The following ZNF625 variants were observed in gnomAD, a reference collection of about 807,000 sequenced individuals.
ZNF625 encodes zinc finger protein 625.
A neutral mutation model predicts 11.1 loss-of-function variants in ZNF625; 8 were observed. That is an observed-to-expected ratio of 0.72 (90% confidence interval 0.42 to 1.30). The LOEUF (loss-of-function observed/expected upper bound fraction) is 1.30, where lower values mean the gene tolerates loss of function less well. Ranked by LOEUF, ZNF625 falls within the 50% of genes most tolerant of loss-of-function variation. The pLI, the probability that ZNF625 is intolerant of heterozygous loss-of-function variation, is 0.01. For missense variants in ZNF625, 349 were observed against 447.6 expected, an observed-to-expected ratio of 0.78 and a Z score of 1.99; for synonymous variants, 145 against 153.4, an observed-to-expected ratio of 0.95 and a Z score of 0.41.
At chr19:12,155,851 T>TTTTTGTTTTG (rs201049684) in intron 1 of ZNF625, among the ~76,000 whole-genome samples, 1 of 151,926 alleles carries the variant, frequency 6.6e-6, no homozygotes, top group Non-Finnish European at 1.5e-5. Flanking sequence ...GTTGCTGTTG[T>TTTTTGTTTTG]TTTTGTTTTG....
In ZNF625 at chr19:12,156,545, C is replaced by G. The variant is rs773324249; in HGVS notation, c.3+11G>C. Reference sequence around the variant, plus strand: ...TCCCCCGTCTCGGGACCCCCGGCCCCGCACACTCACCATTTCCCGGCTTCC... The same window carrying G: ...TCCCCCGTCTCGGGACCCCCGGCCCGGCACACTCACCATTTCCCGGCTTCC... On this transcript the variant is annotated intron_variant, in intron 1 of 3. Transcript: ENST00000439556. The G allele has an allele frequency of 7.0e-7, 1 of 1,428,782 alleles. No homozygotes were observed. Among genetic ancestry groups the G allele is most frequent in the African/African-American group, 1.5e-5 (1 of 67,892 alleles). The allele number at this position is 1,428,782 out of a possible 1,614,324, so 88.5% of individuals were successfully genotyped here.
chr19:12,147,595 C>A, intron 2 of ZNF625, 81 bp downstream of exon 2: 2 of 1,602,890 alleles, frequency 1.2e-6, no homozygotes, highest in Non-Finnish European at 1.7e-6. Flanking sequence ...CCTGTCCACA[C>A]TCCAAATCAC....
chr19:12,153,158 C>A (rs1976978843), intron 1 of ZNF625, among the ~76,000 whole-genome samples: 1 of 151,904 alleles, frequency 6.6e-6, no homozygotes, highest in Non-Finnish European at 1.5e-5. Flanking sequence ...TCAAGACCAA[C>A]CTGGCCAAGA....
chr19:12,146,970 A>ATTTTTTTTTTT lies in ZNF625; in HGVS notation c.191+414_191+424dup, dbSNP rs934558893. ...CACACTTAAATATATGTTTTTAGAG[A>ATTTTTTTTTTT]TTTTTTTTTTTTTTGAGACGGAGTC... On this transcript the variant is annotated intron_variant, in intron 3 of 3. Coordinates refer to ENST00000439556, the MANE Select transcript of ZNF625 (RefSeq NM_145233.4). 1.2e-4 allele frequency among the ~76,000 whole-genome samples: 16 copies of ATTTTTTTTTTT among 130,842 alleles called. 2 individuals are homozygous for ATTTTTTTTTTT. The highest frequency in any genetic ancestry group is 2.3e-4 in the East Asian group (1 of 4,282). The allele number at this position is 130,842 out of a possible 152,430, so 85.8% of individuals were successfully genotyped here.
chr19:12,145,985 A>G lies in ZNF625; in HGVS notation c.431T>C (p.Phe144Ser). 6.2e-7 allele frequency: 1 copy of G among 1,614,192 alleles called. No homozygotes were observed. The highest frequency in any genetic ancestry group is 8.5e-7 in the Non-Finnish European group (1 of 1,180,040). The change falls in exon 4 of 4, where the codon TTC becomes TCC. Residue 144 changes from phenylalanine (F) to serine (S), a missense_variant. Physicochemically the swap from Phe to Ser is radical, Grantham distance 155 (BLOSUM62 -2). Coordinates refer to ENST00000439556, the MANE Select transcript of ZNF625 (RefSeq NM_145233.4). The part of the protein sequence containing the change: ...PYKCTYCKKA[F>S]SDLPYFRTHE... Reference sequence around the variant, plus strand: ...TGTTCGAAAGTAGGGGAGATCACTGAAGGCTTTCTTACAGTATGTACATTT... The same window carrying G: ...TGTTCGAAAGTAGGGGAGATCACTGGAGGCTTTCTTACAGTATGTACATTT...
intron 3 of ZNF625, among the ~76,000 whole-genome samples, chr19:12,147,014 T>G (rs1467854814): frequency 2.0e-5 from 3 of 148,398 alleles, no homozygotes; most frequent in African/African-American, 7.6e-5. Context: ...TCGCCCAGGA[T>G]GGAGTGCAGT....
At chr19:12,149,627 A>T (rs978926656) in intron 1 of ZNF625, among the ~76,000 whole-genome samples, 3 of 152,122 alleles carry the variant, frequency 2.0e-5, no homozygotes, top group Non-Finnish European at 4.4e-5. Flanking sequence ...ACCAAGTAAA[A>T]ACCTAATTGA....
Position 12,145,199 on chromosome 19 carries a change from C to T in ZNF625, c.*98G>A, listed in dbSNP as rs1306967525. On this transcript the variant is annotated 3_prime_UTR_variant, in exon 4 of 4. Coordinates refer to ENST00000439556, the MANE Select transcript of ZNF625 (RefSeq NM_145233.4). Reference sequence around the variant, plus strand: ...GAATGCTGTCAAATGACAGTGACTGCAGAAGCTTCAGAATAATTTTGCGAT... The same window carrying T: ...GAATGCTGTCAAATGACAGTGACTGTAGAAGCTTCAGAATAATTTTGCGAT... The T allele has an allele frequency of 1.1e-5, 15 of 1,346,666 alleles. No individual in the cohort carries two copies. Among genetic ancestry groups the T allele is most frequent in the Non-Finnish European group, 1.5e-5 (15 of 986,916 alleles). The allele number at this position is 1,346,666 out of a possible 1,614,324, so 83.4% of individuals were successfully genotyped here.
chr19:12,156,438 G>T (rs924817657), intron 1 of ZNF625, 118 bp downstream of exon 1: 4 of 807,566 alleles, frequency 5.0e-6, no homozygotes, highest in Non-Finnish European at 5.1e-6. Context: ...ACGCCAGGGG[G>T]ACTCCGCTCT....
chr19:12,145,265 G>T lies in ZNF625; in HGVS notation c.*32C>A. ...AGGGAAACACATTTTTACCATGATT[G>T]GATTCGGTGGCTTCTAGGAATCTTA... is the stretch of plus-strand genomic sequence containing the variant. On this transcript the variant is annotated 3_prime_UTR_variant, in exon 4 of 4. Transcript: ENST00000439556. 2 of 1,545,238 alleles carry T rather than the reference G, an allele frequency of 1.3e-6. No homozygotes were observed. Among genetic ancestry groups the T allele is most frequent in the Non-Finnish European group, 1.7e-6 (2 of 1,146,128 alleles).
At position 12,145,758 on chromosome 19, in the gene ZNF625, C is replaced by G. The variant is rs968763715; in HGVS notation, c.658G>C (p.Glu220Gln). Residue 220 changes from glutamate (E) to glutamine (Q), a missense_variant, in exon 4 of 4, where the codon GAA becomes CAA. Transcript: ENST00000439556. ...AAGGCTTTACCACACTGTTTACATT[C>G]ATATGGTTTCTCTCCAGTGTGAGTT... ...KRTHTGEKPYECKQCGKAFSH... is the reference protein window; with the variant it reads ...KRTHTGEKPYQCKQCGKAFSH... The G allele has an allele frequency of 1.9e-6, 3 of 1,614,188 alleles. No homozygotes were observed. The highest frequency in any genetic ancestry group is 2.2e-5 in the East Asian group (1 of 44,884).
intron 1 of ZNF625, among the ~76,000 whole-genome samples, chr19:12,153,808 T>TC (rs940255197): frequency 2.8e-5 from 4 of 142,030 alleles, no homozygotes; most frequent in African/African-American, 5.2e-5. Flanking sequence ...TATATTTCTT[T>TC]TTTTTTTTTT....
intron 1 of ZNF625, among the ~76,000 whole-genome samples, chr19:12,153,948 C>A (rs1358561812): frequency 1.3e-5 from 2 of 150,912 alleles, no homozygotes; most frequent in African/African-American, 4.9e-5. Flanking sequence ...GCTGGGACTA[C>A]AGGCACCTGC....
chr19:12,146,970 A>ATTTTTTTTTCTTTTTTTTTT (rs1976884211), intron 3 of ZNF625, among the ~76,000 whole-genome samples: 1 of 130,820 alleles, frequency 7.6e-6, no homozygotes, highest in Non-Finnish European at 1.6e-5. Flanking sequence ...GTTTTTAGAG[A>ATTTTTTTTTCTTTTTTTTTT]TTTTTTTTTT....
intron 1 of ZNF625, among the ~76,000 whole-genome samples, chr19:12,148,061 C>A (rs771739383): frequency 6.6e-6 from 1 of 152,126 alleles, no homozygotes; most frequent in African/African-American, 2.4e-5. Flanking sequence ...CTCACTGCAA[C>A]CTCCGCCTCC....
Position 12,145,567 on chromosome 19 carries a change from G to T in ZNF625, c.849C>A (p.Ala283=). Residue 283 remains alanine (A), a synonymous_variant, in exon 4 of 4, where the codon GCC becomes GCA. Transcript: ENST00000439556. ...ATCGAACGGAATTGAAAGAAACAAA[G>T]GCTTTCCCACACTGTTTACATTCAT... The part of the protein sequence containing the change: ...KPYECKQCGK[A]FVSFNSVRYH... 1 of 1,610,166 alleles carries T rather than the reference G, an allele frequency of 6.2e-7. No homozygotes were observed. Among genetic ancestry groups the T allele is most frequent in the Non-Finnish European group, 8.5e-7 (1 of 1,176,474 alleles).
Position 12,154,986 on chromosome 19 carries a change from G to GAGGCGGAGGC in ZNF625, c.3+1560_3+1569dup, listed in dbSNP as rs1050315945. Among the ~76,000 whole-genome samples, 30 of 152,208 alleles carry GAGGCGGAGGC rather than the reference G, an allele frequency of 2.0e-4. 1 individual carries two copies. The East Asian group carries it at 5.0e-3, about 25-fold the overall frequency. Reference sequence around the variant, plus strand: ...ATCCTAGCACTTTGGGAGGCGGAGGGAGGCGGAGGCAGGCGGATTATTTGA... The same window carrying GAGGCGGAGGC: ...ATCCTAGCACTTTGGGAGGCGGAGGGAGGCGGAGGCAGGCGGAGGCAGGCGGATTATTTGA... On this transcript the variant is annotated intron_variant, in intron 1 of 3. Coordinates refer to ENST00000439556, the MANE Select transcript of ZNF625 (RefSeq NM_145233.4).
chr19:12,145,745 C>G lies in ZNF625; in HGVS notation c.671G>C (p.Cys224Ser), dbSNP rs1455581608. Residue 224 changes from cysteine to serine, a missense_variant, in exon 4 of 4, where the codon TGT becomes TCT. Cys to Ser is a moderately radical substitution (Grantham distance 112, BLOSUM62 -1). Coordinates refer to ENST00000439556, the MANE Select transcript of ZNF625 (RefSeq NM_145233.4). The stretch of plus-strand genomic sequence containing the variant: ...ACCAGAATGACTAAAGGCTTTACCA[C>G]ACTGTTTACATTCATATGGTTTCTC... The part of the protein sequence containing the change: ...TGEKPYECKQ[C>S]GKAFSHSGSL... The G allele has an allele frequency of 6.2e-7, 1 of 1,614,096 alleles. No homozygotes were observed. Among genetic ancestry groups the G allele is most frequent in the African/African-American group, 1.3e-5 (1 of 74,936 alleles).
At chr19:12,153,602 T>C (rs1198475925) in intron 1 of ZNF625, among the ~76,000 whole-genome samples, 2 of 149,406 alleles carry the variant, frequency 1.3e-5, no homozygotes, top group African/African-American at 4.9e-5. Context: ...GAGAATCGCT[T>C]GAACCTGGGA....
Sources: allele counts gnomAD v4.1 joint callset (sites outside exome capture counted in the v4.1 genomes callset), GRCh38; gene constraint gnomAD v4.1.1; transcripts MANE v1.5; gene names NCBI Gene and HGNC (gene_info 2026-07-23, HGNC 2026-07-21).